Variants in CTIF observed in about 807,000 individuals in gnomAD.
CTIF encodes the protein CBP80/20-dependent translation initiation factor.
A neutral mutation model predicts 66.0 loss-of-function variants in CTIF; 21 were observed. The ratio of observed to expected loss-of-function variants is 0.32; its 90% CI spans 0.23 to 0.46. The LOEUF is 0.46. CTIF is among the 20% of genes least tolerant of loss of function. The pLI, the probability that CTIF is intolerant of heterozygous loss-of-function variation, is 1.00. For missense variants in CTIF, 739 were observed against 812.7 expected, an observed-to-expected ratio of 0.91 and a Z score of 1.10; for synonymous variants, 345 against 326.4, an observed-to-expected ratio of 1.06 and a Z score of -0.62.
intron 9 of CTIF, among the ~76,000 whole-genome samples, chr18:48,815,167 AG>A (rs1190040219): frequency 6.6e-6 from 1 of 152,264 alleles, no homozygotes; most frequent in African/African-American, 2.4e-5. Flanking sequence ...GCTTCACTAT[AG>A]TAACCTTTTT....
chr18:48,609,839 G>A (rs192414731), intron 1 of CTIF, among the ~76,000 whole-genome samples: 1 of 152,340 alleles, frequency 6.6e-6, no homozygotes, highest in African/African-American at 2.4e-5. Context: ...TCTCGAGGAG[G>A]CTCTTGAATG....
intron 1 of CTIF, among the ~76,000 whole-genome samples, chr18:48,550,761 T>C (rs1270684342): frequency 1.3e-5 from 2 of 152,144 alleles, no homozygotes; most frequent in Admixed American, 6.5e-5. Flanking sequence ...CTGGGAGTCA[T>C]CAGGGCATTT....
At chr18:48,707,608 C>G (rs1362513918) in intron 6 of CTIF, among the ~76,000 whole-genome samples, 1 of 151,602 alleles carries the variant, frequency 6.6e-6, no homozygotes, top group African/African-American at 2.4e-5. Flanking sequence ...TTTCTTCCTC[C>G]TCCTCCTTCT....
intron 10 of CTIF, among the ~76,000 whole-genome samples, chr18:48,843,195 G>A (rs760247334): frequency 6.6e-6 from 1 of 152,030 alleles, no homozygotes; most frequent in Admixed American, 6.5e-5. Flanking sequence ...TCCTGGAGAG[G>A]GTGGCCTCAG....
Position 48,703,730 on chromosome 18 carries a change from T to C in CTIF, c.508-7889T>C, listed in dbSNP as rs146222022. ...CTCTGCGGGGCACTTCAAAACCTCA[T>C]TGGGGCAGGGGCAGCAGCCCGGGGA... On this transcript the variant is annotated intron_variant, in intron 6 of 11. Transcript: ENST00000256413. 2.4e-4 allele frequency among the ~76,000 whole-genome samples: 37 copies of C among 152,204 alleles called. 1 individual carries two copies. The East Asian group carries it at 4.8e-3, about 20-fold the overall frequency.
chr18:48,543,003 C>T (rs770522729), intron 1 of CTIF, among the ~76,000 whole-genome samples: 2 of 152,248 alleles, frequency 1.3e-5, no homozygotes, highest in Non-Finnish European at 2.9e-5. Context: ...GTCAAGGTCT[C>T]ACTCAGGCCC....
intron 1 of CTIF, among the ~76,000 whole-genome samples, chr18:48,576,243 T>C (rs1293898202): frequency 6.6e-6 from 1 of 152,228 alleles, no homozygotes; most frequent in African/African-American, 2.4e-5. Flanking sequence ...CCTTCTGGGC[T>C]TTGCCCAGGC....
intron 9 of CTIF, among the ~76,000 whole-genome samples, chr18:48,812,845 C>G (rs1478475533): frequency 6.6e-6 from 1 of 151,864 alleles, no homozygotes; most frequent in Admixed American, 6.6e-5. Context: ...ACTGTGAACA[C>G]TTTTTACCCA....
intron 9 of CTIF, among the ~76,000 whole-genome samples, chr18:48,804,544 C>T (rs1011733916): frequency 1.4e-4 from 21 of 152,286 alleles, no homozygotes; most frequent in Admixed American, 1.0e-3. Flanking sequence ...CGGCCAGGTC[C>T]GAGGCAGGCT....
At chr18:48,740,855 G>A (rs960739447) in intron 7 of CTIF, among the ~76,000 whole-genome samples, 1 of 152,178 alleles carries the variant, frequency 6.6e-6, no homozygotes, top group Non-Finnish European at 1.5e-5. Context: ...TGTTTTATTT[G>A]TAATATTTAT....
chr18:48,719,198 A>G (rs957236753), intron 7 of CTIF, among the ~76,000 whole-genome samples: 2 of 152,146 alleles, frequency 1.3e-5, no homozygotes, highest in East Asian at 3.9e-4. Flanking sequence ...TTTGATGGTC[A>G]TCTGTGACTA....
At chr18:48,722,362 C>T (rs1382964422) in intron 7 of CTIF, among the ~76,000 whole-genome samples, 2 of 151,888 alleles carry the variant, frequency 1.3e-5, no homozygotes, top group East Asian at 1.9e-4. Context: ...ACCACAGGCA[C>T]GTGCCACCAC....
intron 1 of CTIF, among the ~76,000 whole-genome samples, chr18:48,561,594 C>T (rs954701162): frequency 2.0e-5 from 3 of 152,192 alleles, no homozygotes; most frequent in African/African-American, 7.2e-5. Flanking sequence ...CATCCCTGTG[C>T]CCCACTTTCA....
intron 7 of CTIF, among the ~76,000 whole-genome samples, chr18:48,748,735 T>C (rs896672438): frequency 1.3e-5 from 2 of 152,226 alleles, no homozygotes; most frequent in African/African-American, 4.8e-5. Context: ...TGAGAACTTC[T>C]TAGAGGGCTG....
intron 1 of CTIF, chr18:48,566,936 C>G (rs184430615): frequency 6.6e-6 from 1 of 152,280 alleles, no homozygotes; most frequent in East Asian, 1.9e-4. Context: ...GTCTAACAGA[C>G]TGTGGATTTG....
intron 1 of CTIF, among the ~76,000 whole-genome samples, chr18:48,609,671 G>A (rs555017711): frequency 1.4e-4 from 21 of 152,336 alleles, no homozygotes; most frequent in Admixed American, 1.2e-3. Flanking sequence ...ACGAGTGGGG[G>A]CAGTGAGGAA....
At chr18:48,629,619 A>G (rs1158977079) in intron 2 of CTIF, among the ~76,000 whole-genome samples, 2 of 148,318 alleles carry the variant, frequency 1.3e-5, no homozygotes, top group Non-Finnish European at 3.0e-5. Flanking sequence ...CAATTTTCCC[A>G]GTAATATTGT....
intron 6 of CTIF, among the ~76,000 whole-genome samples, chr18:48,682,454 G>A (rs974213549): frequency 4.6e-5 from 7 of 152,148 alleles, no homozygotes; most frequent in Admixed American, 1.3e-4. Context: ...TCTGGGAGAG[G>A]GGCCCAGTGG....
At chr18:48,729,353 A>T (rs2092416421) in intron 7 of CTIF, among the ~76,000 whole-genome samples, 1 of 152,232 alleles carries the variant, frequency 6.6e-6, no homozygotes, top group African/African-American at 2.4e-5. Context: ...CAATGATTAT[A>T]AAAAGTTTGG....
Sources: allele counts gnomAD v4.1 joint callset (sites outside exome capture counted in the v4.1 genomes callset), GRCh38; gene constraint gnomAD v4.1.1; transcripts MANE v1.5; gene names NCBI Gene and HGNC (gene_info 2026-07-23, HGNC 2026-07-21).